PPP1R42: variants seen among roughly 807,000 people sequenced by gnomAD.
PPP1R42 encodes protein phosphatase 1 regulatory subunit 42, also known as leucine rich repeat containing 67.
PPP1R42 carries 34 observed loss-of-function variants against 31.0 expected under a neutral mutation model. The observed-to-expected ratio is 1.10, with a 90% CI of 0.83 to 1.46. PPP1R42 has a LOEUF of 1.46. Ranked by LOEUF, PPP1R42 falls within the 40% of genes most tolerant of loss-of-function variation. The pLI is 0.00. For missense variants in PPP1R42, 268 were observed against 303.0 expected, an observed-to-expected ratio of 0.88 and a Z score of 0.86; for synonymous variants, 103 against 109.8, an observed-to-expected ratio of 0.94 and a Z score of 0.39.
At chr8:66,995,512 T>G (rs1815311157) in intron 5 of PPP1R42, among the ~76,000 whole-genome samples, 1 of 152,174 alleles carries the variant, frequency 6.6e-6, no homozygotes, top group South Asian at 2.1e-4. Context: ...TCCAGAATAT[T>G]TTTTTGTGCC....
At chr8:67,006,854 C>G (rs1367123655) in intron 5 of PPP1R42, among the ~76,000 whole-genome samples, 1 of 146,480 alleles carries the variant, frequency 6.8e-6, no homozygotes, top group Non-Finnish European at 1.5e-5. Flanking sequence ...TCACACCATT[C>G]TCCTGCCTCA....
chr8:67,001,729 G>C (rs1459594950), intron 5 of PPP1R42, among the ~76,000 whole-genome samples: 1 of 152,082 alleles, frequency 6.6e-6, no homozygotes, highest in Non-Finnish European at 1.5e-5. Context: ...CTCCATTCCT[G>C]TCATTTGTGC....
At chr8:66,991,063 G>C (rs1466875248) in intron 5 of PPP1R42, among the ~76,000 whole-genome samples, 3 of 152,050 alleles carry the variant, frequency 2.0e-5, no homozygotes, top group Non-Finnish European at 4.4e-5. Flanking sequence ...ATGATAAATG[G>C]TCATCAGAAA....
At chr8:66,980,846 T>G (rs1009537642) in intron 7 of PPP1R42, among the ~76,000 whole-genome samples, 1 of 149,444 alleles carries the variant, frequency 6.7e-6, no homozygotes, top group African/African-American at 2.5e-5. Flanking sequence ...GGTCAGTTCT[T>G]TTTTTTTTTT....
intron 1 of PPP1R42, 40 bp downstream of exon 1, chr8:67,028,451 T>C: frequency 1.0e-6 from 1 of 982,748 alleles, no homozygotes; most frequent in Non-Finnish European, 1.2e-6. Context: ...GGTTCTAGGG[T>C]TTCCTCGGTC....
chr8:66,971,297 C>A (rs1022118007), intron 7 of PPP1R42, among the ~76,000 whole-genome samples: 1 of 152,066 alleles, frequency 6.6e-6, no homozygotes, highest in Non-Finnish European at 1.5e-5. Context: ...GAAAAAATAG[C>A]ACAGACTTTC....
intron 5 of PPP1R42, 144 bp downstream of exon 5, chr8:67,010,571 T>G: frequency 3.1e-6 from 2 of 642,494 alleles, no homozygotes; most frequent in East Asian, 2.8e-5. Flanking sequence ...ATAAATACAT[T>G]GAGAAGTAGG....
intron 7 of PPP1R42, among the ~76,000 whole-genome samples, chr8:66,968,200 A>G (rs1585955601): frequency 6.6e-6 from 1 of 152,240 alleles, no homozygotes; most frequent in African/African-American, 2.4e-5. Flanking sequence ...TTGAGGGTCA[A>G]AAACAACGTC....
At chr8:66,968,542 G>A (rs1326211348) in intron 7 of PPP1R42, 1 of 934,054 alleles carries the variant, frequency 1.1e-6, no homozygotes, top group Non-Finnish European at 1.3e-6. Flanking sequence ...TAAGGCAAGG[G>A]GTAGCTTTAA....
At chr8:66,970,880 T>G in intron 7 of PPP1R42, 1 of 886,754 alleles carries the variant, frequency 1.1e-6, no homozygotes, top group South Asian at 1.4e-5. Context: ...AACAAAGAAC[T>G]AGGAGACAGA....
intron 7 of PPP1R42, among the ~76,000 whole-genome samples, chr8:66,967,300 T>C (rs982406358): frequency 4.6e-5 from 7 of 152,226 alleles, no homozygotes; most frequent in Non-Finnish European, 1.0e-4. Flanking sequence ...CTTACCACTA[T>C]TGTGCTTTTT....
chr8:67,024,713 G>A (rs536793863), intron 1 of PPP1R42, among the ~76,000 whole-genome samples: 7 of 151,740 alleles, frequency 4.6e-5, no homozygotes, highest in Non-Finnish European at 1.0e-4. Context: ...TCCAGACCTC[G>A]TGATCCACCC....
At chr8:66,988,558 A>G (rs1268333460) in intron 5 of PPP1R42, 41 bp from the exon 6 acceptor site, 2 of 1,541,008 alleles carry the variant, frequency 1.3e-6, no homozygotes, top group South Asian at 1.2e-5. Flanking sequence ...AGCATTTCAT[A>G]TTTACCAATA....
At chr8:66,987,525 C>T (rs1585649417) in intron 6 of PPP1R42, among the ~76,000 whole-genome samples, 1 of 152,252 alleles carries the variant, frequency 6.6e-6, no homozygotes, top group Admixed American at 6.5e-5. Flanking sequence ...CTCCTGATCT[C>T]AGGCAATCCA....
At chr8:67,014,339 C>A in intron 3 of PPP1R42, 87 bp downstream of exon 3, 1 of 713,620 alleles carries the variant, frequency 1.4e-6, no homozygotes. Context: ...GAATTTAATG[C>A]AAAAAATGGA....
chr8:66,977,057 G>A (rs577455911), intron 7 of PPP1R42, among the ~76,000 whole-genome samples: 10 of 145,884 alleles, frequency 6.9e-5, no homozygotes, highest in East Asian at 2.0e-4. Flanking sequence ...TTTTTTAGAC[G>A]TAGTCTTGCT....
At chr8:66,989,754 G>GT (rs532507749) in intron 5 of PPP1R42, among the ~76,000 whole-genome samples, 5 of 152,118 alleles carry the variant, frequency 3.3e-5, no homozygotes, top group South Asian at 2.1e-4. Flanking sequence ...ATAAGACATT[G>GT]TTTTTTTAAA....
At chr8:67,002,104 T>C (rs1354334192) in intron 5 of PPP1R42, among the ~76,000 whole-genome samples, 1 of 152,250 alleles carries the variant, frequency 6.6e-6, no homozygotes, top group African/African-American at 2.4e-5. Context: ...ATCTTCTGGC[T>C]TGCATTGCTT....
At chr8:66,970,166 T>C (rs2130911213) in intron 7 of PPP1R42, among the ~76,000 whole-genome samples, 1 of 152,310 alleles carries the variant, frequency 6.6e-6, no homozygotes, top group African/African-American at 2.4e-5. Flanking sequence ...GGTCCCACTC[T>C]GTTGCCCAGG....
Sources: allele counts gnomAD v4.1 joint callset (sites outside exome capture counted in the v4.1 genomes callset), GRCh38; gene constraint gnomAD v4.1.1; transcripts MANE v1.5; gene names NCBI Gene and HGNC (gene_info 2026-07-23, HGNC 2026-07-21).